The following LIG1 variants were observed in gnomAD, a reference collection of about 807,000 sequenced individuals.
LIG1 encodes the protein ligase I, DNA, ATP-dependent.
LIG1 carries 70 observed loss-of-function variants against 115.7 expected under a neutral mutation model. The observed-to-expected ratio is 0.60, with a 90% CI of 0.50 to 0.74. The LOEUF (loss-of-function observed/expected upper bound fraction) is 0.74. LIG1 is among the 30% of genes least tolerant of loss of function. LIG1 has a pLI of 0.00. For synonymous variants in LIG1, 487 were observed against 495.3 expected (o/e 0.98, Z 0.22); for missense variants, 1,115 against 1,225.6 (o/e 0.91, Z 1.35).
intron 11 of LIG1, among the ~76,000 whole-genome samples, chr19:48,143,326 G>A (rs1415995789): frequency 3.3e-5 from 5 of 152,170 alleles, no homozygotes; most frequent in Non-Finnish European, 7.3e-5. Flanking sequence ...ATCTGGGCTC[G>A]CCCCTTGTGT....
rs189515162 is a variant in LIG1, at chr19:48,148,985, C to T, written c.776+778G>A. 7.9e-5 allele frequency among the ~76,000 whole-genome samples: 12 copies of T among 152,292 alleles called. No homozygotes were observed. The East Asian group carries it at 1.2e-3, about 15-fold the overall frequency. The stretch of plus-strand genomic sequence containing the variant: ...AGTGAATTTTAAGGCAGAGTAGACG[C>T]GCCTGCAGGCTTCCAGCACATACAC... On this transcript the variant is annotated intron_variant, in intron 9 of 27. Transcript: ENST00000263274.
intron 9 of LIG1, among the ~76,000 whole-genome samples, chr19:48,145,688 G>A (rs1176401788): frequency 6.6e-6 from 1 of 152,148 alleles, no homozygotes; most frequent in Non-Finnish European, 1.5e-5. Flanking sequence ...GGGGAGTCTA[G>A]AGCCAGTCAG....
chr19:48,163,984 TA>T (rs1402540744), intron 2 of LIG1, among the ~76,000 whole-genome samples: 10 of 143,428 alleles, frequency 7.0e-5, no homozygotes, highest in East Asian at 2.0e-4. Context: ...GCGTGAACAT[TA>T]AAAAAAAAAT....
At position 48,120,904 on chromosome 19, in the gene LIG1, C is replaced by A. The variant is rs1007400269; in HGVS notation, c.2385+266G>T. The A allele has an allele frequency of 2.8e-5, 36 of 1,273,274 alleles. 1 individual carries two copies. The highest frequency in any genetic ancestry group is 4.6e-5 in the African/African-American group (3 of 64,910). The allele number at this position is 1,273,274 out of a possible 1,614,324, so 78.9% of individuals were successfully genotyped here. ...CTTCTCATTTCATAACAAAAAAATT[C>A]TTTTCTTATGTGAGCCACCACTATT... On this transcript the variant is annotated intron_variant, in intron 24 of 27. Coordinates refer to ENST00000263274, the MANE Select transcript of LIG1 (RefSeq NM_000234.3).
rs1380160576 is a variant in LIG1 at position 48,135,652 on chromosome 19, G to A, written c.1523+28C>T. ...CCTGGCACTCTGCCCACAGCCCCTG[G>A]CAACTCCACCCACTGCCCAGCTCTC... On this transcript the variant is annotated intron_variant, in intron 16 of 27. Transcript: ENST00000263274. 7 of 1,579,930 alleles carry A rather than the reference G, an allele frequency of 4.4e-6. No individual in the cohort carries two copies. In the East Asian group the frequency reaches 1.6e-4, roughly 35 times the overall value.
At chr19:48,117,870 G>A in intron 25 of LIG1, 89 bp from the exon 26 acceptor site, 1 of 1,378,380 alleles carries the variant, frequency 7.3e-7, no homozygotes. Flanking sequence ...GGGAGGAAGG[G>A]AAAAAAACAG....
At chr19:48,151,127 A>G (rs542562588) in intron 7 of LIG1, 105 bp downstream of exon 7, 13 of 694,050 alleles carry the variant, frequency 1.9e-5, no homozygotes, top group South Asian at 7.2e-5. Flanking sequence ...CATTTAAGCA[A>G]TAAGTTTGAG....
intron 18 of LIG1, among the ~76,000 whole-genome samples, chr19:48,132,443 T>A (rs2034086013): frequency 6.6e-6 from 1 of 151,954 alleles, no homozygotes; most frequent in Admixed American, 6.6e-5. Flanking sequence ...CCCACTATCA[T>A]CGGTCAGGAC....
At position 48,128,151 on chromosome 19, in the gene LIG1, C is replaced by T. The variant is rs156641; in HGVS notation, c.1822-131G>A. On this transcript the variant is annotated intron_variant, in intron 19 of 27. Transcript: ENST00000263274. ...GCACTAACAAAGAGGCAGGTGCACA[C>T]AGATGCTTTTCTTTTATTCCCCACC... The T allele has an allele frequency of 0.35, 260,705 of 740,756 alleles. 49,091 individuals carry two copies. Among genetic ancestry groups the T allele is most frequent in the East Asian group, 0.56 (21,891 of 38,846 alleles). The allele number at this position is 740,756 out of a possible 1,614,324, so 45.9% of individuals were successfully genotyped here. A position where few individuals can be genotyped will look rare whatever the true frequency, so the allele number is the denominator to read the frequency against.
At chr19:48,126,606 CAAAA>C (rs1053509897) in intron 21 of LIG1, among the ~76,000 whole-genome samples, 1 of 103,592 alleles carries the variant, frequency 9.7e-6, no homozygotes. Flanking sequence ...ACTCTTATCT[CAAAA>C]AAAAAAAAAA....
intron 16 of LIG1, among the ~76,000 whole-genome samples, chr19:48,134,925 G>A (rs938004219): frequency 2.0e-5 from 3 of 152,226 alleles, no homozygotes; most frequent in Admixed American, 6.5e-5. Context: ...CATGATCTTG[G>A]AGTCACCAGC....
intron 21 of LIG1, chr19:48,123,695 G>A (rs1002078474): frequency 3.1e-6 from 1 of 322,146 alleles, no homozygotes; most frequent in Non-Finnish European, 6.0e-6. Flanking sequence ...TTGGCTGACT[G>A]CAGCCTCCGC....
chr19:48,155,125 C>T (rs1180107912), intron 5 of LIG1, among the ~76,000 whole-genome samples: 1 of 152,144 alleles, frequency 6.6e-6, no homozygotes, highest in African/African-American at 2.4e-5. Context: ...GAGCTCCCAG[C>T]ATGCCCTCAG....
chr19:48,117,844 T>C (rs2032972284), intron 25 of LIG1, 63 bp from the exon 26 acceptor site: 1 of 1,583,028 alleles, frequency 6.3e-7, no homozygotes, highest in African/African-American at 1.3e-5. Flanking sequence ...GGCCAAGTGT[T>C]GGAGGGCTGG....
In LIG1 at chr19:48,149,837, G is replaced by C. The variant is rs150461350; in HGVS notation, c.702C>G (p.Pro234=). The change falls in exon 9 of 28, where the codon CCC becomes CCG. Residue 234 remains proline, a synonymous_variant. Transcript: ENST00000263274. ...APKTLSSFFT[P]RKPAVKKEVK... is the part of the protein sequence containing the mutation. Reference sequence around the variant, plus strand: ...CTTCTTTTTTGACTGCTGGCTTCCGGGGGGCTAGGAATGAAGACAGAAAAC... The same window carrying C: ...CTTCTTTTTTGACTGCTGGCTTCCGCGGGGCTAGGAATGAAGACAGAAAAC... 6.2e-7 allele frequency: 1 copy of C among 1,613,712 alleles called. No homozygotes were observed. Among genetic ancestry groups the C allele is most frequent in the African/African-American group, 1.3e-5 (1 of 74,876 alleles).
intron 6 of LIG1, 172 bp from the exon 7 acceptor site, chr19:48,151,511 C>A: frequency 1.9e-6 from 1 of 539,576 alleles, no homozygotes; most frequent in East Asian, 3.8e-5. Flanking sequence ...CTCACTGCAA[C>A]CTCTGCCTCC....
At position 48,137,816 on chromosome 19, in the gene LIG1, GTC is replaced by G; in HGVS notation, c.1088-130_1088-129del. ...GTGGCGAGTCCCTGCACCTCCCTGTGTCTAACGCTCACCCACTTGGTAGAAAT... is the reference window on the plus strand; with the variant it reads ...GTGGCGAGTCCCTGCACCTCCCTGTGTAACGCTCACCCACTTGGTAGAAAT... On this transcript the variant is annotated intron_variant, in intron 12 of 27. Coordinates refer to ENST00000263274, the MANE Select transcript of LIG1 (RefSeq NM_000234.3). This position sits in a 1 kb window ranked among gnomAD's most constrained non-coding sequence, Gnocchi z 4.3. 1 of 1,161,716 alleles carries G rather than the reference GTC, an allele frequency of 8.6e-7. No homozygotes were observed. The highest frequency in any genetic ancestry group is 2.0e-5 in the Admixed American group (1 of 48,834). The allele number at this position is 1,161,716 out of a possible 1,614,324, so 72.0% of individuals were successfully genotyped here. A position where few individuals can be genotyped will look rare whatever the true frequency, so the allele number is the denominator to read the frequency against.
rs562929869 is a variant in LIG1, at chr19:48,141,842, C to A, written c.915-1699G>T. ...AGTAATCATTGTAGGCAAAAGCCAC[C>A]ATTGGATGGTGCAGTGGATGGAACA... On this transcript the variant is annotated intron_variant, in intron 11 of 27. Transcript: ENST00000263274. Among the ~76,000 whole-genome samples the A allele has an allele frequency of 4.6e-5, 7 of 152,252 alleles. No homozygotes were observed. The East Asian group carries it at 1.4e-3, about 29-fold the overall frequency.
chr19:48,126,541 A>G (rs1340006982), intron 21 of LIG1, among the ~76,000 whole-genome samples: 8 of 151,100 alleles, frequency 5.3e-5, no homozygotes, highest in African/African-American at 9.7e-5. Flanking sequence ...GGGAGGAGGC[A>G]GTTGTAGTGA....
Sources: allele counts gnomAD v4.1 joint callset (sites outside exome capture counted in the v4.1 genomes callset), GRCh38; gene constraint gnomAD v4.1.1; non-coding constraint Gnocchi (gnomAD v3.1); transcripts MANE v1.5; gene names NCBI Gene and HGNC (gene_info 2026-07-23, HGNC 2026-07-21).